The following FBXL17 variants were observed in gnomAD, a reference collection of about 807,000 sequenced individuals.
FBXL17 encodes the protein F-box and leucine rich repeat protein 17, also known as F-box/LRR-repeat protein 17.
FBXL17 carries 22 observed loss-of-function variants against 66.2 expected under a neutral mutation model. That is an observed-to-expected ratio of 0.33 (90% CI 0.24 to 0.47). The LOEUF (loss-of-function observed/expected upper bound fraction) is 0.47. FBXL17 is among the 20% of genes least tolerant of loss of function. FBXL17 has a pLI of 1.00. For synonymous variants in FBXL17, 474 were observed against 400.5 expected (o/e 1.18, Z -2.19); for missense variants, 878 against 948.2 (o/e 0.93, Z 0.97).
intron 4 of FBXL17, among the ~76,000 whole-genome samples, chr5:108,264,011 C>T (rs536103562): frequency 9.9e-5 from 15 of 151,720 alleles, no homozygotes; most frequent in Non-Finnish European, 1.8e-4. Context: ...GTCAGGAGTT[C>T]GAGACCAACC....
intron 6 of FBXL17, among the ~76,000 whole-genome samples, chr5:108,105,043 G>C (rs1215108433): frequency 6.6e-6 from 1 of 151,962 alleles, no homozygotes; most frequent in Admixed American, 6.5e-5. Flanking sequence ...GGGTTTCACC[G>C]TGTTAGCTAG....
At chr5:108,028,569 A>G (rs1483599375) in intron 6 of FBXL17, among the ~76,000 whole-genome samples, 1 of 152,160 alleles carries the variant, frequency 6.6e-6, no homozygotes, top group Non-Finnish European at 1.5e-5. Flanking sequence ...TCTGCTTTGC[A>G]GTGACTAATT....
intron 5 of FBXL17, among the ~76,000 whole-genome samples, chr5:108,198,292 T>TA (rs747626469): frequency 8.5e-5 from 13 of 152,106 alleles, no homozygotes; most frequent in Non-Finnish European, 1.8e-4. Context: ...AATGTATACA[T>TA]AATTCTCCCC....
chr5:107,871,293 C>T (rs1477335237), intron 8 of FBXL17, among the ~76,000 whole-genome samples: 2 of 152,158 alleles, frequency 1.3e-5, no homozygotes, highest in Non-Finnish European at 2.9e-5. Flanking sequence ...CCTGTTAACA[C>T]TAGCACTGCT....
chr5:108,262,896 A>T (rs1445103195), intron 4 of FBXL17, among the ~76,000 whole-genome samples: 1 of 152,228 alleles, frequency 6.6e-6, no homozygotes, highest in African/African-American at 2.4e-5. Flanking sequence ...ATAATTTTTA[A>T]AAGTGTTAAA....
At chr5:107,883,266 T>C (rs1748852658) in intron 7 of FBXL17, among the ~76,000 whole-genome samples, 1 of 152,214 alleles carries the variant, frequency 6.6e-6, no homozygotes, top group African/African-American at 2.4e-5. Context: ...AGAGATTGAA[T>C]AACTTTCCTA....
At chr5:108,344,097 G>T (rs748895720) in intron 4 of FBXL17, among the ~76,000 whole-genome samples, 7 of 152,106 alleles carry the variant, frequency 4.6e-5, no homozygotes, top group Non-Finnish European at 1.0e-4. Context: ...GAAACAGCAG[G>T]ATCAAGGTTT....
chr5:108,024,792 A>G (rs1324635757), intron 6 of FBXL17, among the ~76,000 whole-genome samples: 1 of 152,176 alleles, frequency 6.6e-6, no homozygotes, highest in Non-Finnish European at 1.5e-5. Context: ...CACCTGAAAC[A>G]TTTGATGAAA....
chr5:108,348,477 C>T lies in FBXL17; in HGVS notation c.1428G>A (p.Lys476=), dbSNP rs370257212. The T allele has an allele frequency of 6.2e-7, 1 of 1,613,594 alleles. No individual in the cohort carries two copies. Among genetic ancestry groups the T allele is most frequent in the African/African-American group, 1.3e-5 (1 of 74,896 alleles). ...TGACGATCATGCCTTCATCTGAGATCTTGTAACACTGGCCGAAATGAATAT... is the reference window on the plus strand; with the variant it reads ...TGACGATCATGCCTTCATCTGAGATTTTGTAACACTGGCCGAAATGAATAT... The part of the protein sequence containing the change: ...LKDIHFGQCY[K]ISDEGMIVIA... The change falls in exon 4 of 9, where the codon AAG becomes AAA. Residue 476 remains lysine, a synonymous_variant. Transcript: ENST00000542267.
At chr5:108,302,727 T>C (rs541854338) in intron 4 of FBXL17, among the ~76,000 whole-genome samples, 2 of 151,972 alleles carry the variant, frequency 1.3e-5, no homozygotes, top group South Asian at 4.1e-4. Flanking sequence ...ATCCTTTATG[T>C]ATACACTAAT....
chr5:108,002,182 A>ATTTTTTTTTT lies in FBXL17; in HGVS notation c.1822+18733_1822+18742dup, dbSNP rs765399250. 8.8e-4 allele frequency among the ~76,000 whole-genome samples: 96 copies of ATTTTTTTTTT among 109,444 alleles called. 7 individuals are homozygous for ATTTTTTTTTT. Among genetic ancestry groups the ATTTTTTTTTT allele is most frequent in the African/African-American group, 4.1e-3 (91 of 22,300 alleles). 71.8% of individuals were successfully genotyped at this position (109,444 alleles called of 152,430 possible). On this transcript the variant is annotated intron_variant, in intron 7 of 8. Transcript: ENST00000542267. ...TGGCACACACCACCACACCCAGCTA[A>ATTTTTTTTTT]TTTTTTTTTTTTTTTTTTTTTTAGT...
chr5:108,373,120 G>A (rs1165370818), intron 1 of FBXL17, among the ~76,000 whole-genome samples: 1 of 148,520 alleles, frequency 6.7e-6, no homozygotes, highest in Non-Finnish European at 1.5e-5. Context: ...TAAATACTAA[G>A]AAATACACAC....
intron 7 of FBXL17, among the ~76,000 whole-genome samples, chr5:107,977,217 T>C (rs1292688754): frequency 3.3e-5 from 5 of 152,240 alleles, no homozygotes; most frequent in Non-Finnish European, 7.3e-5. Context: ...TGTTCCAATT[T>C]TTTTTAAATG....
At chr5:108,056,081 G>A (rs1044890301) in intron 6 of FBXL17, among the ~76,000 whole-genome samples, 14 of 152,130 alleles carry the variant, frequency 9.2e-5, no homozygotes, top group Admixed American at 4.6e-4. Flanking sequence ...CAACATGACT[G>A]ATTATCCAAC....
intron 8 of FBXL17, among the ~76,000 whole-genome samples, chr5:107,874,869 G>A (rs1406486934): frequency 6.6e-6 from 1 of 152,220 alleles, no homozygotes; most frequent in African/African-American, 2.4e-5. Context: ...ATCACCTGGA[G>A]AAACTGTTTC....
At chr5:108,010,555 C>A (rs1754137412) in intron 7 of FBXL17, among the ~76,000 whole-genome samples, 1 of 152,130 alleles carries the variant, frequency 6.6e-6, no homozygotes, top group Non-Finnish European at 1.5e-5. Flanking sequence ...GACAGAAAAA[C>A]ACAGTGATGT....
At chr5:108,076,839 T>C (rs1011928741) in intron 6 of FBXL17, among the ~76,000 whole-genome samples, 19 of 152,196 alleles carry the variant, frequency 1.2e-4, no homozygotes, top group Non-Finnish European at 2.5e-4. Flanking sequence ...GAAGGCATTT[T>C]TGCTAGCCAG....
At chr5:108,168,774 C>A (rs1430971438) in intron 6 of FBXL17, among the ~76,000 whole-genome samples, 1 of 152,026 alleles carries the variant, frequency 6.6e-6, no homozygotes, top group Non-Finnish European at 1.5e-5. Flanking sequence ...TGGATCATCA[C>A]AAATTCTAAA....
chr5:108,193,431 C>G (rs779472927), intron 5 of FBXL17, among the ~76,000 whole-genome samples: 2 of 152,034 alleles, frequency 1.3e-5, no homozygotes, highest in Non-Finnish European at 2.9e-5. Context: ...AGTAAAGAAA[C>G]TAAGACTGCT....
Sources: gnomAD v4.1 joint callset for allele counts (sites outside exome capture counted in the v4.1 genomes callset) on GRCh38, gnomAD v4.1.1 for gene constraint, MANE v1.5 for transcripts, NCBI Gene and HGNC (gene_info 2026-07-23, HGNC 2026-07-21) for gene names.